The following TTC23L variants were observed in gnomAD, a reference collection of about 807,000 sequenced individuals.
TTC23L encodes tetratricopeptide repeat domain 23 like.
Under a neutral mutation model 48.1 loss-of-function variants are expected in TTC23L, and 42 were observed. That is an observed-to-expected ratio of 0.87 (90% CI 0.68 to 1.13). The LOEUF is 1.13. Among genes scored for constraint, TTC23L ranks in the 50% most tolerant of loss-of-function variants. TTC23L has a pLI of 0.00. For missense variants in TTC23L, 391 were observed against 421.0 expected, an observed-to-expected ratio of 0.93 and a Z score of 0.62; for synonymous variants, 159 against 157.2, an observed-to-expected ratio of 1.01 and a Z score of -0.09.
chr5:34,888,573 A>C, intron 9 of TTC23L: 1 of 942,208 alleles, frequency 1.1e-6, no homozygotes, highest in Non-Finnish European at 1.3e-6. Flanking sequence ...CATGTCATCA[A>C]TGTGGATATA....
intron 2 of TTC23L, among the ~76,000 whole-genome samples, chr5:34,842,152 C>CATGA (rs1758734297): frequency 6.6e-6 from 1 of 152,128 alleles, no homozygotes; most frequent in Non-Finnish European, 1.5e-5. Context: ...AAATGAAACA[C>CATGA]ATGAATTTAA....
intron 8 of TTC23L, among the ~76,000 whole-genome samples, chr5:34,874,919 G>C (rs1397024480): frequency 6.6e-6 from 1 of 152,112 alleles, no homozygotes; most frequent in East Asian, 1.9e-4. Context: ...AAGATTTTCA[G>C]AGTGATCAAA....
At chr5:34,867,018 G>C (rs1283497106) in exon 7 of TTC23L, 2 of 1,612,240 alleles carry the variant, frequency 1.2e-6, no homozygotes, top group Non-Finnish European at 1.7e-6. Flanking sequence ...AAGCTGCTCA[G>C]ATAGAGCAGC....
chr5:34,887,439 C>T (rs921890386), intron 9 of TTC23L, among the ~76,000 whole-genome samples: 4 of 152,034 alleles, frequency 2.6e-5, no homozygotes, highest in Middle Eastern at 3.2e-3. Flanking sequence ...AATTCAAATC[C>T]ACACTGAAAA....
intron 8 of TTC23L, chr5:34,869,248 T>C: frequency 2.3e-6 from 1 of 431,144 alleles, no homozygotes; most frequent in South Asian, 2.2e-5. Flanking sequence ...TCTATTTATT[T>C]TGAATCTCAG....
the TTC23L span, chr5:34,914,948 G>T: frequency 1.3e-6 from 2 of 1,590,356 alleles, no homozygotes; most frequent in Non-Finnish European, 1.7e-6. Context: ...ACTTCTCGGC[G>T]GATCGCCAAA....
chr5:34,924,946 G>A, the TTC23L span: 1 of 1,613,322 alleles, frequency 6.2e-7, no homozygotes, highest in African/African-American at 1.3e-5. Context: ...AACTTTATAT[G>A]AAAATCCTCA....
chr5:34,896,632 G>T, intron 9 of TTC23L, 138 bp from the exon 10 acceptor site: 1 of 701,316 alleles, frequency 1.4e-6, no homozygotes. Flanking sequence ...ACATTCTAGT[G>T]TAAGAGAAAA....
At position 34,864,365 on chromosome 5, in the gene TTC23L, T is replaced by C; in HGVS notation, c.537-72T>C. 4 of 1,539,614 alleles carry C rather than the reference T, an allele frequency of 2.6e-6. No homozygotes were observed. The South Asian group carries it at 5.1e-5, about 20-fold the overall frequency. On this transcript the variant is annotated intron_variant, in intron 5 of 10. Transcript: ENST00000505624. ...TCACTTTTCCAAGAGCCCCTTTTGT[T>C]TCCTTATCACCTGCTGTCCCTGTGC...
At chr5:34,884,315 T>C (rs1023432994) in intron 9 of TTC23L, among the ~76,000 whole-genome samples, 12 of 152,322 alleles carry the variant, frequency 7.9e-5, no homozygotes, top group African/African-American at 2.9e-4. Flanking sequence ...CCATACTTAA[T>C]GGTGAAAAAC....
At chr5:34,856,618 A>G (rs1760150389) in intron 4 of TTC23L, among the ~76,000 whole-genome samples, 1 of 152,250 alleles carries the variant, frequency 6.6e-6, no homozygotes, top group Non-Finnish European at 1.5e-5. Flanking sequence ...AAAACTTCCA[A>G]GAGGGAAAGA....
At chr5:34,839,327 G>C (rs1336087872) in intron 1 of TTC23L, 68 bp downstream of exon 1, 1 of 152,716 alleles carries the variant, frequency 6.5e-6, no homozygotes, top group Non-Finnish European at 1.5e-5. Context: ...GAGCTGGGAG[G>C]CTGGTTCCGG....
the TTC23L span, among the ~76,000 whole-genome samples, chr5:34,917,594 C>T: frequency 6.6e-6 from 1 of 151,938 alleles, no homozygotes; most frequent in African/African-American, 2.4e-5. Flanking sequence ...GAGCCGAGAT[C>T]GCGCCACTGC....
the TTC23L span, chr5:34,907,015 A>C: frequency 3.9e-5 from 6 of 152,136 alleles, no homozygotes; most frequent in Non-Finnish European, 5.9e-5. Flanking sequence ...TTTTGTAGTC[A>C]CTGCTAAATT....
At chr5:34,852,150 G>T (rs1247274176) in intron 4 of TTC23L, among the ~76,000 whole-genome samples, 1 of 152,166 alleles carries the variant, frequency 6.6e-6, no homozygotes, top group African/African-American at 2.4e-5. Context: ...CTCCCAAAGT[G>T]CTGGGATTAC....
chr5:34,900,117 G>C (rs1019001221), downstream of TTC23L, among the ~76,000 whole-genome samples: 4 of 152,100 alleles, frequency 2.6e-5, no homozygotes, highest in African/African-American at 9.7e-5. Context: ...TACTACAGTT[G>C]ACCACTGAAC....
chr5:34,867,327 T>G, intron 7 of TTC23L: 1 of 495,470 alleles, frequency 2.0e-6, no homozygotes. Flanking sequence ...CTCTTATCTC[T>G]GTTGGTGCTG....
intron 6 of TTC23L, 67 bp from the exon 7 acceptor site, chr5:34,866,825 G>T: frequency 1.4e-6 from 2 of 1,425,890 alleles, no homozygotes. Flanking sequence ...CTTGGAATCA[G>T]TTCCTTTTGT....
At chr5:34,914,941 T>A in the TTC23L span, 22 of 1,599,358 alleles carry the variant, frequency 1.4e-5, no homozygotes, top group South Asian at 2.3e-4. Context: ...GCCAACAACT[T>A]CTCGGCGGAT....
Sources: allele counts gnomAD v4.1 joint callset (sites outside exome capture counted in the v4.1 genomes callset), GRCh38; gene constraint gnomAD v4.1.1; transcripts MANE v1.5; gene names NCBI Gene and HGNC (gene_info 2026-07-23, HGNC 2026-07-21).